The following LUZP2 variants were observed in gnomAD, a reference collection of about 807,000 sequenced individuals.
The protein encoded by LUZP2 is leucine zipper protein 2.
In LUZP2, 52 loss-of-function variants were observed where a neutral mutation model predicts 51.6. That is an observed-to-expected ratio of 1.01 (90% confidence interval 0.81 to 1.27). The LOEUF is 1.27. Ranked by LOEUF, LUZP2 falls within the 50% of genes most tolerant of loss-of-function variation. The pLI is 0.00. For missense variants in LUZP2, 436 were observed against 395.4 expected, an observed-to-expected ratio of 1.10 and a Z score of -0.87; for synonymous variants, 154 against 137.3, an observed-to-expected ratio of 1.12 and a Z score of -0.85.
chr11:24,923,654 G>A (rs751279814), intron 7 of LUZP2, among the ~76,000 whole-genome samples: 6 of 152,128 alleles, frequency 3.9e-5, no homozygotes, highest in Middle Eastern at 3.4e-3. Context: ...CCAAGATCGC[G>A]CCACTGCACT....
At chr11:24,817,789 G>A (rs907247864) in intron 5 of LUZP2, among the ~76,000 whole-genome samples, 13 of 151,860 alleles carry the variant, frequency 8.6e-5, no homozygotes, top group African/African-American at 3.1e-4. Flanking sequence ...TAATTGTTCA[G>A]GAAATGGTAT....
chr11:24,610,595 A>G (rs1423670045), intron 1 of LUZP2, among the ~76,000 whole-genome samples: 1 of 152,184 alleles, frequency 6.6e-6, no homozygotes, highest in Non-Finnish European at 1.5e-5. Context: ...AGTGGTTCTA[A>G]TTATGTTCTA....
At chr11:24,564,121 G>A (rs1312261976) in intron 1 of LUZP2, among the ~76,000 whole-genome samples, 1 of 152,064 alleles carries the variant, frequency 6.6e-6, no homozygotes, top group Non-Finnish European at 1.5e-5. Flanking sequence ...TAAAGTGTGT[G>A]GGCTTCATGT....
chr11:24,933,247 C>G (rs1025470818), intron 7 of LUZP2, among the ~76,000 whole-genome samples: 1 of 152,032 alleles, frequency 6.6e-6, no homozygotes, highest in Non-Finnish European at 1.5e-5. Flanking sequence ...CCTGTTAGTT[C>G]CTGTGGTAGT....
chr11:24,804,435 A>G (rs1417706451), intron 5 of LUZP2, among the ~76,000 whole-genome samples: 2 of 152,202 alleles, frequency 1.3e-5, no homozygotes, highest in Non-Finnish European at 2.9e-5. Context: ...ACACCAATTC[A>G]TTTAATAATT....
At chr11:24,850,931 A>G (rs1192932647) in intron 5 of LUZP2, among the ~76,000 whole-genome samples, 1 of 152,096 alleles carries the variant, frequency 6.6e-6, no homozygotes, top group Non-Finnish European at 1.5e-5. Flanking sequence ...ATTGGTGTAT[A>G]GAAACGCTTG....
chr11:24,595,163 C>A (rs768840044), intron 1 of LUZP2, among the ~76,000 whole-genome samples: 4 of 133,860 alleles, frequency 3.0e-5, no homozygotes, highest in Non-Finnish European at 4.7e-5. Flanking sequence ...ATATATAAGT[C>A]CAACTCTATT....
At chr11:24,913,583 C>G (rs896153149) in intron 6 of LUZP2, among the ~76,000 whole-genome samples, 1 of 151,892 alleles carries the variant, frequency 6.6e-6, no homozygotes, top group Non-Finnish European at 1.5e-5. Flanking sequence ...GTCAGTTTCC[C>G]CAAATGATGA....
At chr11:24,848,641 T>A (rs1437432277) in intron 5 of LUZP2, among the ~76,000 whole-genome samples, 1 of 152,188 alleles carries the variant, frequency 6.6e-6, no homozygotes, top group Non-Finnish European at 1.5e-5. Context: ...TCTGCCTTCT[T>A]GGTATCAAGC....
At chr11:24,609,990 A>G (rs1854063835) in intron 1 of LUZP2, among the ~76,000 whole-genome samples, 1 of 152,168 alleles carries the variant, frequency 6.6e-6, no homozygotes, top group Non-Finnish European at 1.5e-5. Context: ...GCAATTAGCC[A>G]AGGCTAACCT....
intron 9 of LUZP2, among the ~76,000 whole-genome samples, chr11:25,039,667 C>G (rs1018973461): frequency 2.6e-5 from 4 of 152,186 alleles, no homozygotes; most frequent in African/African-American, 9.6e-5. Flanking sequence ...TATGGAGACT[C>G]CTGCAACTAA....
intron 1 of LUZP2, among the ~76,000 whole-genome samples, chr11:24,716,567 G>A (rs988820981): frequency 6.6e-6 from 1 of 152,100 alleles, no homozygotes; most frequent in Admixed American, 6.6e-5. Flanking sequence ...ACTTCTGCCA[G>A]TCCAAACAAG....
At chr11:24,873,210 G>T (rs1852138463) in intron 5 of LUZP2, among the ~76,000 whole-genome samples, 1 of 152,160 alleles carries the variant, frequency 6.6e-6, no homozygotes, top group African/African-American at 2.4e-5. Context: ...CAAGAATTGA[G>T]CAAGTTGTAA....
intron 7 of LUZP2, among the ~76,000 whole-genome samples, chr11:24,917,627 C>G (rs1462012216): frequency 6.6e-6 from 1 of 151,982 alleles, no homozygotes; most frequent in Non-Finnish European, 1.5e-5. Context: ...TCAGGTTTGT[C>G]AAAGATCAGA....
chr11:24,566,196 T>C (rs1852206438), intron 1 of LUZP2, among the ~76,000 whole-genome samples: 1 of 151,684 alleles, frequency 6.6e-6, no homozygotes, highest in Admixed American at 6.6e-5. Flanking sequence ...TAGAAATACG[T>C]TAATATAACC....
At chr11:24,924,896 T>C (rs952229687) in intron 7 of LUZP2, among the ~76,000 whole-genome samples, 64 of 152,132 alleles carry the variant, frequency 4.2e-4, no homozygotes, top group African/African-American at 1.5e-3. Context: ...GGATACTAAA[T>C]TTTTTAATAT....
chr11:24,540,127 C>T (rs1851311886), intron 1 of LUZP2, among the ~76,000 whole-genome samples: 1 of 151,854 alleles, frequency 6.6e-6, no homozygotes, highest in Admixed American at 6.6e-5. Context: ...AAAAGTACAC[C>T]ACTTTGGATT....
chr11:24,689,238 C>G (rs887147470), intron 1 of LUZP2, among the ~76,000 whole-genome samples: 1 of 152,050 alleles, frequency 6.6e-6, no homozygotes, highest in African/African-American at 2.4e-5. Flanking sequence ...TTTTTTTCCC[C>G]CTAATTCTTC....
intron 5 of LUZP2, among the ~76,000 whole-genome samples, chr11:24,769,844 G>C (rs1860343144): frequency 6.6e-6 from 1 of 151,138 alleles, no homozygotes; most frequent in South Asian, 2.1e-4. Flanking sequence ...CCAGGCTGGA[G>C]TGCAGTGGCA....
Sources: gnomAD v4.1 joint callset for allele counts (sites outside exome capture counted in the v4.1 genomes callset) on GRCh38, gnomAD v4.1.1 for gene constraint, MANE v1.5 for transcripts, NCBI Gene and HGNC (gene_info 2026-07-23, HGNC 2026-07-21) for gene names.